XRN2: variants seen among roughly 807,000 people sequenced by gnomAD.
XRN2 encodes DHM1-like protein.
In XRN2, 44 loss-of-function variants were observed where a neutral mutation model predicts 138.5. The observed-to-expected ratio is 0.32, with a 90% CI of 0.25 to 0.41. The LOEUF (loss-of-function observed/expected upper bound fraction) is 0.41. Ranked by LOEUF, XRN2 falls within the 10% of genes least tolerant of loss-of-function variation. The probability of loss-of-function intolerance (pLI) is 1.00; values close to 1 mark genes in which losing one functional copy is unlikely to be tolerated. For synonymous variants in XRN2, 354 were observed against 369.4 expected, an observed-to-expected ratio of 0.96 and a Z score of 0.48; for missense variants, 937 against 1,169.3, an observed-to-expected ratio of 0.80 and a Z score of 2.90.
At chr20:21,327,290 A>C (rs2038141828) in intron 3 of XRN2, among the ~76,000 whole-genome samples, 1 of 152,232 alleles carries the variant, frequency 6.6e-6, no homozygotes, top group Admixed American at 6.5e-5. Flanking sequence ...TATGATAATA[A>C]TACCAAGTAG....
At chr20:21,317,996 C>T (rs752148989) in intron 1 of XRN2, among the ~76,000 whole-genome samples, 3 of 152,168 alleles carry the variant, frequency 2.0e-5, no homozygotes, top group African/African-American at 2.4e-5. Context: ...ATGAAGAATT[C>T]GTACAAATTC....
chr20:21,317,819 A>T (rs1192953293), intron 1 of XRN2, among the ~76,000 whole-genome samples: 1 of 152,190 alleles, frequency 6.6e-6, no homozygotes, highest in Non-Finnish European at 1.5e-5. Flanking sequence ...TATTCCACAG[A>T]TGTAGAATTG....
At chr20:21,337,533 G>A (rs1164850669) in intron 13 of XRN2, among the ~76,000 whole-genome samples, 1 of 152,162 alleles carries the variant, frequency 6.6e-6, no homozygotes, top group Non-Finnish European at 1.5e-5. Context: ...GGAGTCATCA[G>A]CATGTAGATG....
intron 13 of XRN2, among the ~76,000 whole-genome samples, chr20:21,334,760 G>C (rs1034701664): frequency 6.6e-6 from 1 of 152,204 alleles, no homozygotes; most frequent in South Asian, 2.1e-4. Flanking sequence ...ATTTGCTGGT[G>C]CCATTTACTA....
At chr20:21,327,884 A>G (rs539714560) in intron 3 of XRN2, among the ~76,000 whole-genome samples, 49 of 152,322 alleles carry the variant, frequency 3.2e-4, no homozygotes, top group African/African-American at 1.2e-3. Flanking sequence ...TCAGTTCAGT[A>G]ACTTCGAAAA....
intron 1 of XRN2, among the ~76,000 whole-genome samples, chr20:21,309,021 C>T (rs2037841979): frequency 6.6e-6 from 1 of 152,138 alleles, no homozygotes; most frequent in African/African-American, 2.4e-5. Flanking sequence ...TTGGATAAAC[C>T]TCACTTGATC....
At chr20:21,377,849 G>T (rs2038842970) in intron 27 of XRN2, among the ~76,000 whole-genome samples, 1 of 152,160 alleles carries the variant, frequency 6.6e-6, no homozygotes, top group Non-Finnish European at 1.5e-5. Context: ...AGGGCAGAGA[G>T]GTACTTTTTT....
Position 21,328,793 on chromosome 20 carries a change from G to C in XRN2, c.427+123G>C, listed in dbSNP as rs543332377. The C allele has an allele frequency of 1.2e-4, 98 of 824,578 alleles. No individual in the cohort carries two copies. The African/African-American group carries it at 1.6e-3, about 14-fold the overall frequency. 51.1% of individuals were successfully genotyped at this position (824,578 alleles called of 1,614,324 possible). A position where few individuals can be genotyped will look rare whatever the true frequency, so the allele number is the denominator to read the frequency against. ...TTTAATAAGGATCCCAGAATATCCA[G>C]TGTTCACTGTTGAGGAAAAGTAGTT... On this transcript the variant is annotated intron_variant, in intron 4 of 29. Coordinates refer to ENST00000377191, the MANE Select transcript of XRN2 (RefSeq NM_012255.5).
intron 29 of XRN2, among the ~76,000 whole-genome samples, chr20:21,388,960 A>G (rs375779771): frequency 2.6e-5 from 4 of 152,248 alleles, no homozygotes; most frequent in African/African-American, 9.6e-5. Flanking sequence ...TACTGCTAGG[A>G]CAGTGAGAAA....
At chr20:21,356,375 A>T (rs2038576117) in intron 22 of XRN2, among the ~76,000 whole-genome samples, 198 bp downstream of exon 22, 1 of 152,152 alleles carries the variant, frequency 6.6e-6, no homozygotes, top group African/African-American at 2.4e-5. Context: ...CCTTTTAAAT[A>T]ATGTTAAATA....
At chr20:21,339,897 G>A (rs1006535428) in intron 14 of XRN2, among the ~76,000 whole-genome samples, 20 of 151,960 alleles carry the variant, frequency 1.3e-4, no homozygotes, top group African/African-American at 4.6e-4. Context: ...ACTACGTTTT[G>A]TTAGAATTAA....
intron 27 of XRN2, among the ~76,000 whole-genome samples, chr20:21,380,074 A>G (rs1462747889): frequency 6.6e-6 from 1 of 152,212 alleles, no homozygotes; most frequent in Non-Finnish European, 1.5e-5. Flanking sequence ...ACATAAAAAG[A>G]CACCAGGCAA....
chr20:21,317,067 T>C (rs934625922), intron 1 of XRN2, among the ~76,000 whole-genome samples: 2 of 152,210 alleles, frequency 1.3e-5, no homozygotes, highest in Admixed American at 1.3e-4. Flanking sequence ...TTAATTTCTT[T>C]TTTTTCTAAT....
chr20:21,353,352 GT>G (rs1345190013), intron 20 of XRN2, among the ~76,000 whole-genome samples: 2 of 149,426 alleles, frequency 1.3e-5, no homozygotes, highest in Non-Finnish European at 3.0e-5. Context: ...ACTAAATAAT[GT>G]TTTAGCAATT....
At chr20:21,345,112 GTA>G (rs1267732168) in intron 16 of XRN2, among the ~76,000 whole-genome samples, 6 of 152,096 alleles carry the variant, frequency 3.9e-5, no homozygotes, top group African/African-American at 1.4e-4. Flanking sequence ...CATTTACTCT[GTA>G]TATCTTTAGT....
chr20:21,348,904 A>C lies in XRN2; in HGVS notation c.1863+474A>C, dbSNP rs570586842. Among the ~76,000 whole-genome samples, 8 of 152,168 alleles carry C rather than the reference A, an allele frequency of 5.3e-5. No homozygotes were observed. In the East Asian group the frequency reaches 1.5e-3, roughly 29 times the overall value. On this transcript the variant is annotated intron_variant, in intron 19 of 29. Transcript: ENST00000377191. ...GTGATCTGCCCACCTCGGCCTCCCA[A>C]AGTGCTGGGATTACAGGCGTGAGCC...
intron 1 of XRN2, among the ~76,000 whole-genome samples, chr20:21,314,980 G>A (rs1372098802): frequency 6.6e-6 from 1 of 152,198 alleles, no homozygotes; most frequent in Non-Finnish European, 1.5e-5. Flanking sequence ...AGTCTTGACT[G>A]CAGGGGCCAC....
intron 1 of XRN2, among the ~76,000 whole-genome samples, chr20:21,322,149 T>C (rs910220988): frequency 6.6e-6 from 1 of 152,194 alleles, no homozygotes; most frequent in Non-Finnish European, 1.5e-5. Flanking sequence ...GAGGATAGAA[T>C]GGAATAATCC....
intron 27 of XRN2, among the ~76,000 whole-genome samples, chr20:21,376,106 G>A (rs1348477667): frequency 6.6e-6 from 1 of 152,158 alleles, no homozygotes; most frequent in Non-Finnish European, 1.5e-5. Flanking sequence ...CCAAAGTGCT[G>A]GGATTACAGG....
Sources: gnomAD v4.1 joint callset for allele counts (sites outside exome capture counted in the v4.1 genomes callset) on GRCh38, gnomAD v4.1.1 for gene constraint, MANE v1.5 for transcripts, NCBI Gene and HGNC (gene_info 2026-07-23, HGNC 2026-07-21) for gene names.